Variants in CAMKMT observed in about 807,000 individuals in gnomAD.
The protein encoded by CAMKMT is calmodulin-lysine N-methyltransferase.
A neutral mutation model predicts 48.0 loss-of-function variants in CAMKMT; 53 were observed. That is an observed-to-expected ratio of 1.10 (90% CI 0.89 to 1.39). CAMKMT has a LOEUF of 1.39. CAMKMT is among the 40% of genes most tolerant of loss of function. The pLI is 0.00. For missense variants in CAMKMT, 428 were observed against 402.7 expected, an observed-to-expected ratio of 1.06 and a Z score of -0.54; for synonymous variants, 165 against 152.3, an observed-to-expected ratio of 1.08 and a Z score of -0.61.
intron 2 of CAMKMT, among the ~76,000 whole-genome samples, chr2:44,379,562 G>A (rs1680035583): frequency 6.6e-6 from 1 of 152,122 alleles, no homozygotes; most frequent in African/African-American, 2.4e-5. Flanking sequence ...ATACTTATCA[G>A]TGAAGCACTT....
rs116311661 is a variant in CAMKMT, at chr2:44,701,008, G to A, written c.377-3275G>A. Among the ~76,000 whole-genome samples, 1,155 of 152,250 alleles carry A rather than the reference G, an allele frequency of 7.6e-3. 7 individuals are homozygous for A. Among genetic ancestry groups the A allele is most frequent in the Non-Finnish European group, 0.012 (784 of 68,018 alleles). On this transcript the variant is annotated intron_variant, in intron 3 of 10. Coordinates refer to ENST00000378494, the MANE Select transcript of CAMKMT (RefSeq NM_024766.5). ...ATTGTCAAATAATAATCCATTGTAT[G>A]GACGTACCACATTTTATTTATCCGT...
chr2:44,599,779 C>T (rs917237544), intron 3 of CAMKMT, among the ~76,000 whole-genome samples: 3 of 149,040 alleles, frequency 2.0e-5, no homozygotes, highest in African/African-American at 5.0e-5. Flanking sequence ...TGGGCTATTT[C>T]TGAGAGGATT....
At chr2:44,712,781 C>T (rs894327011) in intron 6 of CAMKMT, among the ~76,000 whole-genome samples, 7 of 152,084 alleles carry the variant, frequency 4.6e-5, no homozygotes, top group East Asian at 1.9e-4. Flanking sequence ...CTGGACATAT[C>T]GACTCAATGT....
chr2:44,642,842 A>G lies in CAMKMT; in HGVS notation c.377-61441A>G, dbSNP rs72867768. 3.6e-3 allele frequency among the ~76,000 whole-genome samples: 551 copies of G among 152,278 alleles called. 1 individual carries two copies. The highest frequency in any genetic ancestry group is 0.011 in the African/African-American group (441 of 41,570). ...CTTGGTAAATGACTTCATCCACGGT[A>G]TGAAATGGTTAATTTTTCTTTGTCT... On this transcript the variant is annotated intron_variant, in intron 3 of 10. Transcript: ENST00000378494.
intron 4 of CAMKMT, among the ~76,000 whole-genome samples, chr2:44,705,062 T>G (rs930990960): frequency 3.9e-5 from 6 of 152,176 alleles, no homozygotes; most frequent in Non-Finnish European, 8.8e-5. Flanking sequence ...AATAGCTCAT[T>G]ATGATAGCAG....
intron 3 of CAMKMT, among the ~76,000 whole-genome samples, chr2:44,609,306 A>G (rs917993412): frequency 1.3e-5 from 2 of 152,212 alleles, no homozygotes; most frequent in African/African-American, 4.8e-5. Flanking sequence ...TACCATAGTT[A>G]ATGGTGATAT....
chr2:44,654,844 T>G (rs1674289423), intron 3 of CAMKMT, among the ~76,000 whole-genome samples: 1 of 152,236 alleles, frequency 6.6e-6, no homozygotes, highest in Admixed American at 6.5e-5. Flanking sequence ...ACTTTTTTCA[T>G]GTCTTAGGAA....
chr2:44,702,463 G>A (rs1677309249), intron 3 of CAMKMT, among the ~76,000 whole-genome samples: 1 of 151,980 alleles, frequency 6.6e-6, no homozygotes, highest in Admixed American at 6.6e-5. Flanking sequence ...CTAAACATAG[G>A]CATGTATTTT....
intron 2 of CAMKMT, among the ~76,000 whole-genome samples, chr2:44,389,713 A>C (rs1681136369): frequency 6.6e-6 from 1 of 152,240 alleles, no homozygotes; most frequent in Non-Finnish European, 1.5e-5. Flanking sequence ...ATTAGAATTA[A>C]AGGCATTAGA....
chr2:44,397,998 T>C (rs1331401583), intron 3 of CAMKMT, among the ~76,000 whole-genome samples: 1 of 152,224 alleles, frequency 6.6e-6, no homozygotes, highest in African/African-American at 2.4e-5. Flanking sequence ...TAGCACAAGA[T>C]ATGCCAAGAA....
chr2:44,625,593 A>G (rs1672437736), intron 3 of CAMKMT, among the ~76,000 whole-genome samples: 1 of 152,116 alleles, frequency 6.6e-6, no homozygotes, highest in South Asian at 2.1e-4. Context: ...TCACACAAAC[A>G]TCATGAAGAT....
chr2:44,654,933 A>G (rs147834757), intron 3 of CAMKMT, among the ~76,000 whole-genome samples: 215 of 152,332 alleles, frequency 1.4e-3, no homozygotes, highest in African/African-American at 5.0e-3. Flanking sequence ...ATGTACCATA[A>G]TTTGTCTAAC....
At chr2:44,767,493 C>G (rs1370282615) in intron 10 of CAMKMT, among the ~76,000 whole-genome samples, 1 of 152,126 alleles carries the variant, frequency 6.6e-6, no homozygotes, top group Non-Finnish European at 1.5e-5. Context: ...AAAAATTAAT[C>G]TGATCTTCCA....
At chr2:44,364,539 C>T (rs1479344590) in intron 1 of CAMKMT, among the ~76,000 whole-genome samples, 1 of 152,160 alleles carries the variant, frequency 6.6e-6, no homozygotes, top group Admixed American at 6.6e-5. Flanking sequence ...TCCTCTGCAC[C>T]TAGCACAGGG....
chr2:44,682,064 A>C (rs1254658571), intron 3 of CAMKMT, among the ~76,000 whole-genome samples: 1 of 152,208 alleles, frequency 6.6e-6, no homozygotes, highest in African/African-American at 2.4e-5. Flanking sequence ...AAAAGTCCAA[A>C]GATGGGGTCG....
intron 2 of CAMKMT, among the ~76,000 whole-genome samples, chr2:44,381,661 CT>C (rs1680253352): frequency 6.6e-6 from 1 of 152,100 alleles, no homozygotes; most frequent in Admixed American, 6.5e-5. Context: ...TGGGATATTA[CT>C]TAATGATGTG....
chr2:44,750,434 G>A (rs1443482490), intron 8 of CAMKMT, among the ~76,000 whole-genome samples: 1 of 152,126 alleles, frequency 6.6e-6, no homozygotes, highest in East Asian at 1.9e-4. Flanking sequence ...TGGGATTACA[G>A]GTTTGAGCCA....
chr2:44,743,813 C>T, intron 8 of CAMKMT, 117 bp downstream of exon 8: 1 of 674,142 alleles, frequency 1.5e-6, no homozygotes, highest in Non-Finnish European at 2.6e-6. Flanking sequence ...ACAAAGCCAC[C>T]TTAACCTCAA....
At chr2:44,463,784 A>G (rs756242959) in intron 3 of CAMKMT, among the ~76,000 whole-genome samples, 2 of 152,324 alleles carry the variant, frequency 1.3e-5, no homozygotes, top group Non-Finnish European at 2.9e-5. Flanking sequence ...GTGAGAGAAG[A>G]TACATCTCCC....
Sources: gnomAD v4.1 joint callset for allele counts (sites outside exome capture counted in the v4.1 genomes callset) on GRCh38, gnomAD v4.1.1 for gene constraint, MANE v1.5 for transcripts, NCBI Gene and HGNC (gene_info 2026-07-23, HGNC 2026-07-21) for gene names.